The following MBL2 variants were observed in gnomAD, a reference collection of about 807,000 sequenced individuals.
MBL2 encodes the protein mannose binding lectin 2.
Under a neutral mutation model 12.7 loss-of-function variants are expected in MBL2, and 6 were observed. The ratio of observed to expected loss-of-function variants is 0.47; its 90% CI spans 0.26 to 0.94. MBL2 has a LOEUF of 0.94. MBL2 is among the 40% of genes least tolerant of loss of function. The pLI is 0.15. For synonymous variants in MBL2, 114 were observed against 112.0 expected (o/e 1.02, Z -0.11); for missense variants, 307 against 295.2 (o/e 1.04, Z -0.29).
In MBL2 at chr10:52,766,104, C is replaced by T. The variant is rs544901610; in HGVS notation, c.*2033G>A. 6 of 151,948 alleles carry T rather than the reference C, an allele frequency of 3.9e-5. No homozygotes were observed. The highest frequency in any genetic ancestry group is 7.4e-5 in the Non-Finnish European group (5 of 67,956). 9.4% of individuals were successfully genotyped at this position (151,948 alleles called of 1,614,324 possible). A position where few individuals can be genotyped will look rare whatever the true frequency, so the allele number is the denominator to read the frequency against. The stretch of plus-strand genomic sequence containing the variant: ...TTAAAGAAATTCTAGTTACATGAAG[C>T]GATACATGATGAACATTGATTAGAG... On this transcript the variant is annotated 3_prime_UTR_variant, in exon 5 of 5. Coordinates refer to ENST00000674931, the MANE Select transcript of MBL2 (RefSeq NM_001378373.1).
In MBL2 at chr10:52,768,033, A is replaced by G. The variant is rs551363666; in HGVS notation, c.*104T>C. The G allele has an allele frequency of 7.1e-7, 1 of 1,412,466 alleles. No homozygotes were observed. The highest frequency in any genetic ancestry group is 9.5e-7 in the Non-Finnish European group (1 of 1,052,040). 87.5% of individuals were successfully genotyped at this position (1,412,466 alleles called of 1,614,324 possible). A position where few individuals can be genotyped will look rare whatever the true frequency, so the allele number is the denominator to read the frequency against. On this transcript the variant is annotated 3_prime_UTR_variant, in exon 5 of 5. Coordinates refer to ENST00000674931, the MANE Select transcript of MBL2 (RefSeq NM_001378373.1). ...TTTTTAGTGATTGCCCACAAAAGGA[A>G]CAATACTGGATATGAGGAAATTGAT...
intron 3 of MBL2, 24 bp from the exon 4 acceptor site, chr10:52,769,339 G>A (rs1564435823): frequency 1.3e-6 from 2 of 1,532,612 alleles, no homozygotes; most frequent in Middle Eastern, 1.7e-4. Flanking sequence ...ACAAAGTAAA[G>A]AAGCATTGTT....
intron 2 of MBL2, among the ~76,000 whole-genome samples, 188 bp from the exon 3 acceptor site, chr10:52,770,974 T>C (rs1247458455): frequency 6.6e-6 from 1 of 152,184 alleles, no homozygotes; most frequent in African/African-American, 2.4e-5. Flanking sequence ...AGTTGCCACG[T>C]GGAGGTTGCT....
chr10:52,769,428 T>C (rs1202749166), intron 3 of MBL2, 113 bp from the exon 4 acceptor site: 9 of 639,954 alleles, frequency 1.4e-5, no homozygotes, highest in African/African-American at 5.6e-5. Flanking sequence ...TTATTTTACA[T>C]TGATGTTTAC....
rs1589869454 is a variant in MBL2 at position 52,766,792 on chromosome 10, A to T, written c.*1345T>A. On this transcript the variant is annotated 3_prime_UTR_variant, in exon 5 of 5. Transcript: ENST00000674931. ...CATATTCAGAATGTAAAAATAACTT[A>T]AAAATCAGTAAGAAAAATATTGGCT... 6.6e-6 allele frequency: 1 copy of T among 150,706 alleles called. No homozygotes were observed. Among genetic ancestry groups the T allele is most frequent in the East Asian group, 1.9e-4 (1 of 5,196 alleles). 9.3% of individuals were successfully genotyped at this position (150,706 alleles called of 1,614,324 possible).
In MBL2 at chr10:52,771,510, G is replaced by A. The variant is rs915526846; in HGVS notation, c.126C>T (p.Gly42=). ...CPAVIACSSP[G]INGFPGKDGR... ...CATCTTTGCCTGGGAAGCCGTTGAT[G>A]CCTGGAGAGCTACAGGCAATCACTG... The change falls in exon 2 of 5, where the codon GGC becomes GGT. Residue 42 remains glycine (G), a synonymous_variant. Transcript: ENST00000674931. 1.2e-6 allele frequency: 2 copies of A among 1,613,924 alleles called. No homozygotes were observed. The highest frequency in any genetic ancestry group is 1.7e-6 in the Non-Finnish European group (2 of 1,179,878).
intron 3 of MBL2, among the ~76,000 whole-genome samples, chr10:52,769,854 G>T (rs1840364703): frequency 6.6e-6 from 1 of 152,162 alleles, no homozygotes; most frequent in Non-Finnish European, 1.5e-5. Flanking sequence ...CAAATCACTT[G>T]TTGTAGTAGA....
At position 52,769,258 on chromosome 10, in the gene MBL2, C is replaced by T. The variant is rs200416222; in HGVS notation, c.362G>A (p.Arg121His). The T allele has an allele frequency of 3.2e-5, 51 of 1,608,688 alleles. No homozygotes were observed. In the Admixed American group the frequency reaches 5.1e-4, roughly 16 times the overall value. The change falls in exon 4 of 5, where the codon CGT (arginine) becomes CAT (histidine). Residue 121 changes from arginine (R) to histidine (H), a missense_variant. Physicochemically the swap from Arg to His is conservative, Grantham distance 29. Coordinates refer to ENST00000674931, the MANE Select transcript of MBL2 (RefSeq NM_001378373.1). ...ERKALQTEMA[R>H]IKKWLTFSLG... is the part of the protein sequence containing the mutation. Reference sequence around the variant, plus strand: ...GAGAAAAAGCTTACACTTTTTGATACGTGCCATTTCTGTTTGCAGAGCTTT... The same window carrying T: ...GAGAAAAAGCTTACACTTTTTGATATGTGCCATTTCTGTTTGCAGAGCTTT...
intron 2 of MBL2, 27 bp downstream of exon 2, chr10:52,771,422 G>C (rs780834053): frequency 6.2e-7 from 1 of 1,607,760 alleles, no homozygotes; most frequent in Admixed American, 1.7e-5. Flanking sequence ...GTAAAGAATT[G>C]CAGAGACAGA....
intron 4 of MBL2, among the ~76,000 whole-genome samples, chr10:52,768,887 C>G (rs911430784): frequency 6.6e-6 from 1 of 151,988 alleles, no homozygotes; most frequent in Admixed American, 6.6e-5. Flanking sequence ...CAAAAAATGT[C>G]TGAAAATATT....
Position 52,771,580 on chromosome 10 carries a change from T to G in MBL2, c.56A>C (p.Tyr19Ser). The part of the protein sequence containing the change: ...LLLLSMVAAS[Y>S]SETVTCEDAQ... ...ATCCTCACAGGTCACAGTTTCTGAG[T>G]AAGACGCTGCCACCATACTCAGGAG... is the stretch of plus-strand genomic sequence containing the variant. The change falls in exon 2 of 5, where the codon TAC becomes TCC. Residue 19 changes from tyrosine (Y) to serine (S), a missense_variant. Transcript: ENST00000674931. 6 of 1,613,910 alleles carry G rather than the reference T, an allele frequency of 3.7e-6. No homozygotes were observed. Among genetic ancestry groups the G allele is most frequent in the Admixed American group, 1.7e-5 (1 of 60,006 alleles).
At chr10:52,770,837 C>G in intron 2 of MBL2, 51 bp from the exon 3 acceptor site, 1 of 1,081,596 alleles carries the variant, frequency 9.2e-7, no homozygotes, top group Non-Finnish European at 1.3e-6. Context: ...CTTGCTCTCT[C>G]TCTTCAAGAG....
At chr10:52,771,979 G>T (rs1310607290) in intron 1 of MBL2, among the ~76,000 whole-genome samples, 1 of 152,160 alleles carries the variant, frequency 6.6e-6, no homozygotes, top group Non-Finnish European at 1.5e-5. Flanking sequence ...ATGCCTGTTA[G>T]CTTAGGGAAT....
chr10:52,769,440 C>T (rs949215689), intron 3 of MBL2, 125 bp from the exon 4 acceptor site: 2 of 585,938 alleles, frequency 3.4e-6, no homozygotes, highest in African/African-American at 3.9e-5. Context: ...GATGTTTACA[C>T]TTTGAAGGAA....
At position 52,765,876 on chromosome 10, in the gene MBL2, G is replaced by A. The variant is rs1840297635; in HGVS notation, c.*2261C>T. The A allele has an allele frequency of 1.3e-5, 2 of 151,920 alleles. No homozygotes were observed. The highest frequency in any genetic ancestry group is 1.3e-4 in the Admixed American group (2 of 15,252). 9.4% of individuals were successfully genotyped at this position (151,920 alleles called of 1,614,324 possible). On this transcript the variant is annotated 3_prime_UTR_variant, in exon 5 of 5. Coordinates refer to ENST00000674931, the MANE Select transcript of MBL2 (RefSeq NM_001378373.1). ...TGACTATGCATATACAAAATCCAGA[G>A]GAATCTACAAATTACTAGATTTAAG...
intron 3 of MBL2, among the ~76,000 whole-genome samples, chr10:52,769,898 C>G (rs35094880): frequency 4.2e-5 from 6 of 143,542 alleles, no homozygotes; most frequent in Non-Finnish European, 9.0e-5. Context: ...TACAGCTCCT[C>G]GCATTAAGAC....
At position 52,767,669 on chromosome 10, in the gene MBL2, C is replaced by A. The variant is rs1264821948; in HGVS notation, c.*468G>T. 6.6e-6 allele frequency: 1 copy of A among 152,114 alleles called. No homozygotes were observed. The highest frequency in any genetic ancestry group is 1.5e-5 in the Non-Finnish European group (1 of 68,202). 9.4% of individuals were successfully genotyped at this position (152,114 alleles called of 1,614,324 possible). On this transcript the variant is annotated 3_prime_UTR_variant, in exon 5 of 5. Coordinates refer to ENST00000674931, the MANE Select transcript of MBL2 (RefSeq NM_001378373.1). ...AAAACAGAGTTCATAGAGAAAGTTA[C>A]AAAATAGATTTTCTTAATACCTGAA...
intron 1 of MBL2, among the ~76,000 whole-genome samples, chr10:52,771,970 T>C (rs1300882681): frequency 6.6e-6 from 1 of 152,182 alleles, no homozygotes; most frequent in African/African-American, 2.4e-5. Flanking sequence ...AGCTGGCTTA[T>C]GCCTGTTAGC....
Position 52,768,117 on chromosome 10 carries a change from G to A in MBL2, c.*20C>T, listed in dbSNP as rs754966073. 2 of 1,573,540 alleles carry A rather than the reference G, an allele frequency of 1.3e-6. No homozygotes were observed. The highest frequency in any genetic ancestry group is 1.4e-5 in the African/African-American group (1 of 73,754). Reference sequence around the variant, plus strand: ...TGGGTTGCAGTAAAAAGACAAGGAGGGCCTGAGTGATATGACCCTTCAGAT... The same window carrying A: ...TGGGTTGCAGTAAAAAGACAAGGAGAGCCTGAGTGATATGACCCTTCAGAT... On this transcript the variant is annotated 3_prime_UTR_variant, in exon 5 of 5. Transcript: ENST00000674931.
Sources: allele counts gnomAD v4.1 joint callset (sites outside exome capture counted in the v4.1 genomes callset), GRCh38; gene constraint gnomAD v4.1.1; transcripts MANE v1.5; gene names NCBI Gene and HGNC (gene_info 2026-07-23, HGNC 2026-07-21).